The following PRKG1 variants were observed in gnomAD, a reference collection of about 807,000 sequenced individuals.
PRKG1 encodes the protein cGMP-dependent protein kinase 1.
In PRKG1, 35 loss-of-function variants were observed where a neutral mutation model predicts 88.1. The ratio of observed to expected loss-of-function variants is 0.40; its 90% CI spans 0.30 to 0.53. PRKG1 has a LOEUF of 0.53. PRKG1 is among the 20% of genes least tolerant of loss of function. The pLI, the probability that PRKG1 is intolerant of heterozygous loss-of-function variation, is 0.59. For synonymous variants in PRKG1, 303 were observed against 292.5 expected, an observed-to-expected ratio of 1.04 and a Z score of -0.37; for missense variants, 540 against 839.8, an observed-to-expected ratio of 0.64 and a Z score of 4.41.
intron 3 of PRKG1, among the ~76,000 whole-genome samples, chr10:51,742,359 A>G (rs1837456376): frequency 6.6e-6 from 1 of 152,210 alleles, no homozygotes; most frequent in African/African-American, 2.4e-5. Context: ...TAGAAGATAT[A>G]ATAAGGAGAA....
intron 9 of PRKG1, among the ~76,000 whole-genome samples, chr10:52,188,282 ATATATGTGTATATATATATG>A (rs1839265571): frequency 7.2e-5 from 2 of 27,668 alleles, no homozygotes; most frequent in South Asian, 1.2e-3. Flanking sequence ...ATATATACAT[ATATATGTGTATATATATATG>A]TATATATATA....
Position 52,287,702 on chromosome 10 carries a change from A to AAT in PRKG1, c.1710-1023_1710-1022insTA, listed in dbSNP as rs1187767253. Among the ~76,000 whole-genome samples the AAT allele has an allele frequency of 2.6e-3, 388 of 150,922 alleles. 4 individuals are homozygous for AAT. Among genetic ancestry groups the AAT allele is most frequent in the Non-Finnish European group, 3.7e-3 (251 of 67,738 alleles). On this transcript the variant is annotated intron_variant, in intron 14 of 17. Coordinates refer to ENST00000373980, the MANE Select transcript of PRKG1 (RefSeq NM_006258.4). ...ACACTTCAAGGATGGATCAGTTAAA[A>AAT]AAAAAAAAAAAAAAAAAAATCAACA...
chr10:51,602,158 G>A (rs7919998), intron 3 of PRKG1, among the ~76,000 whole-genome samples: 11,994 of 152,020 alleles, frequency 0.079, 1,575 homozygotes, highest in African/African-American at 0.27. Flanking sequence ...ATTAGCCCGA[G>A]GGGTTCGCTC....
chr10:51,945,181 G>T (rs1283928866), intron 5 of PRKG1, among the ~76,000 whole-genome samples: 1 of 149,260 alleles, frequency 6.7e-6, no homozygotes, highest in Non-Finnish European at 1.5e-5. Context: ...AGCTCTTCTT[G>T]TTGAATTGAT....
intron 3 of PRKG1, among the ~76,000 whole-genome samples, chr10:51,626,028 G>T (rs1403859248): frequency 6.6e-6 from 1 of 152,142 alleles, no homozygotes; most frequent in Admixed American, 6.5e-5. Context: ...CTTGCTGCAC[G>T]ACAATATTGC....
intron 1 of PRKG1, among the ~76,000 whole-genome samples, chr10:51,084,478 G>T (rs1487363354): frequency 6.6e-6 from 1 of 152,120 alleles, no homozygotes; most frequent in Non-Finnish European, 1.5e-5. Context: ...ATAAAATAAT[G>T]TTAATTACTT....
At chr10:51,716,883 A>G (rs148318722) in intron 3 of PRKG1, among the ~76,000 whole-genome samples, 1,547 of 152,290 alleles carry the variant, frequency 0.01, 7 homozygotes, top group Middle Eastern at 0.02. Flanking sequence ...TTTTTAGTAG[A>G]GATGGAGTTT....
intron 4 of PRKG1, among the ~76,000 whole-genome samples, chr10:51,844,579 C>A (rs1183677595): frequency 6.6e-6 from 1 of 151,910 alleles, no homozygotes; most frequent in Non-Finnish European, 1.5e-5. Flanking sequence ...GGTGTTTAAA[C>A]CTTAAGTTTG....
intron 1 of PRKG1, among the ~76,000 whole-genome samples, chr10:51,046,096 C>T (rs1304066919): frequency 6.6e-6 from 1 of 152,204 alleles, no homozygotes; most frequent in East Asian, 1.9e-4. Context: ...CCACTGAAGC[C>T]AACATTTTTG....
intron 14 of PRKG1, among the ~76,000 whole-genome samples, chr10:52,287,042 A>C (rs1842132184): frequency 6.6e-6 from 1 of 152,012 alleles, no homozygotes; most frequent in African/African-American, 2.4e-5. Context: ...TCACATAAAA[A>C]CCACAAATAC....
At position 52,271,001 on chromosome 10, in the gene PRKG1, G is replaced by T. The variant is rs114422601; in HGVS notation, c.1174-349G>T. 3.5e-3 allele frequency among the ~76,000 whole-genome samples: 538 copies of T among 151,878 alleles called. 3 individuals are homozygous for T. The highest frequency in any genetic ancestry group is 0.013 in the African/African-American group (519 of 41,440). On this transcript the variant is annotated intron_variant, in intron 10 of 17. Coordinates refer to ENST00000373980, the MANE Select transcript of PRKG1 (RefSeq NM_006258.4). ...TTACTGAAATAAAATTGGAAAAGAA[G>T]TTTTTTTTCTACTCTTTTGACAGAA...
At chr10:52,103,778 G>A (rs1479906942) in intron 7 of PRKG1, among the ~76,000 whole-genome samples, 1 of 151,828 alleles carries the variant, frequency 6.6e-6, no homozygotes, top group Non-Finnish European at 1.5e-5. Flanking sequence ...AATTAAGGAA[G>A]ACTAAATAAG....
chr10:51,566,426 C>A (rs956991135), intron 3 of PRKG1, among the ~76,000 whole-genome samples: 1 of 152,030 alleles, frequency 6.6e-6, no homozygotes, highest in African/African-American at 2.4e-5. Context: ...GTTTTGAGTG[C>A]CTATATGTTC....
chr10:51,280,927 G>A (rs1564427053), intron 2 of PRKG1, among the ~76,000 whole-genome samples: 1 of 152,190 alleles, frequency 6.6e-6, no homozygotes, highest in African/African-American at 2.4e-5. Context: ...TTCCTTTGGA[G>A]GGGGAGAGGT....
chr10:51,298,008 A>G (rs905813916), intron 2 of PRKG1, among the ~76,000 whole-genome samples: 16 of 152,066 alleles, frequency 1.1e-4, no homozygotes, highest in African/African-American at 3.9e-4. Context: ...AAATTCATTC[A>G]CTCATTCATT....
intron 3 of PRKG1, among the ~76,000 whole-genome samples, chr10:51,496,745 G>T (rs7095768): frequency 0.27 from 40,311 of 151,812 alleles, 5,677 homozygotes; most frequent in Admixed American, 0.36. Flanking sequence ...TGCTCATATT[G>T]ATAAATAATA....
chr10:51,762,255 AC>A (rs1324030278), intron 3 of PRKG1, among the ~76,000 whole-genome samples: 1 of 152,190 alleles, frequency 6.6e-6, no homozygotes, highest in Non-Finnish European at 1.5e-5. Context: ...AGAGTCACCT[AC>A]AAGGTCTGGG....
intron 2 of PRKG1, among the ~76,000 whole-genome samples, chr10:51,306,197 C>T (rs1841032303): frequency 1.3e-5 from 2 of 152,264 alleles, no homozygotes. Context: ...CATTCCATTA[C>T]ACTGGATAGG....
intron 9 of PRKG1, among the ~76,000 whole-genome samples, chr10:52,215,351 G>A (rs1292444467): frequency 1.3e-5 from 2 of 149,508 alleles, no homozygotes; most frequent in African/African-American, 2.5e-5. Flanking sequence ...TCAAGATCAG[G>A]CCATTGCACT....
Sources: allele counts gnomAD v4.1 joint callset (sites outside exome capture counted in the v4.1 genomes callset), GRCh38; gene constraint gnomAD v4.1.1; transcripts MANE v1.5; gene names NCBI Gene and HGNC (gene_info 2026-07-23, HGNC 2026-07-21).